Variants in UNC13C observed in about 807,000 individuals in gnomAD.
The protein encoded by UNC13C is unc-13 homolog C.
A neutral mutation model predicts 245.4 loss-of-function variants in UNC13C; 174 were observed. The ratio of observed to expected loss-of-function variants is 0.71; its 90% CI spans 0.63 to 0.80. The LOEUF is 0.80. UNC13C is among the 30% of genes least tolerant of loss of function. The pLI is 0.00. For missense variants in UNC13C, 2,829 were observed against 2,602.9 expected (o/e 1.09, Z -1.89); for synonymous variants, 992 against 895.1 (o/e 1.11, Z -1.93).
intron 30 of UNC13C, 128 bp downstream of exon 30, chr15:54,568,075 A>G (rs1374599075): frequency 1.6e-6 from 1 of 638,150 alleles, no homozygotes; most frequent in Non-Finnish European, 2.3e-6. Context: ...AAAAATGGAG[A>G]GTTATGGTTA....
chr15:54,300,252 G>A lies in UNC13C; in HGVS notation c.4147G>A (p.Val1383Met). 1.3e-6 allele frequency: 2 copies of A among 1,599,792 alleles called. No homozygotes were observed. Among genetic ancestry groups the A allele is most frequent in the Non-Finnish European group, 1.7e-6 (2 of 1,172,498 alleles). ...GACTGAAGTGAAATCTAATGGTGGA[G>A]TGAAAATCCCAGAAGTCAAAGGGGA... The part of the protein sequence containing the change: ...YLTEVKSNGG[V>M]KIPEVKGDEA... The change falls in exon 13 of 33, where the codon GTG becomes ATG. Residue 1383 changes from valine (V) to methionine (M), a missense_variant. Physicochemically the swap from Val to Met is conservative, Grantham distance 21 (BLOSUM62 1). Coordinates refer to ENST00000260323, the MANE Select transcript of UNC13C (RefSeq NM_001080534.3).
intron 19 of UNC13C, among the ~76,000 whole-genome samples, chr15:54,445,501 G>A (rs868212556): frequency 6.6e-5 from 10 of 152,086 alleles, no homozygotes; most frequent in African/African-American, 2.4e-4. Flanking sequence ...GTTCTCACTG[G>A]TGTGAGATGG....
intron 4 of UNC13C, among the ~76,000 whole-genome samples, chr15:54,170,646 T>A (rs551419825): frequency 2.7e-4 from 41 of 152,314 alleles, no homozygotes; most frequent in African/African-American, 9.6e-4. Context: ...TTATCTGTTA[T>A]ACTATACATC....
intron 10 of UNC13C, among the ~76,000 whole-genome samples, chr15:54,281,694 T>C (rs769333665): frequency 1.3e-5 from 2 of 152,238 alleles, no homozygotes; most frequent in Admixed American, 6.5e-5. Flanking sequence ...CAAAGTGCTA[T>C]ACTAAGTGAT....
At chr15:54,250,105 T>C in intron 7 of UNC13C, 120 bp from the exon 8 acceptor site, 1 of 884,182 alleles carries the variant, frequency 1.1e-6, no homozygotes, top group Non-Finnish European at 1.8e-6. Context: ...GAATCAGTGA[T>C]CCAGGGGCTC....
chr15:54,181,485 G>A (rs561546007), intron 4 of UNC13C, among the ~76,000 whole-genome samples: 1 of 151,076 alleles, frequency 6.6e-6, no homozygotes, highest in African/African-American at 2.4e-5. Context: ...TTTGTTTTTT[G>A]TTTGTTTTTG....
At chr15:54,337,439 C>G (rs1051608771) in intron 16 of UNC13C, among the ~76,000 whole-genome samples, 1 of 152,124 alleles carries the variant, frequency 6.6e-6, no homozygotes, top group Non-Finnish European at 1.5e-5. Context: ...GACTCCTGAG[C>G]TCCCATCCAC....
At position 54,620,113 on chromosome 15, in the gene UNC13C, T is replaced by C. The variant is rs1427241145; in HGVS notation, c.6107-2214T>C. ...TGACCTAATTGAAGAGTAAATTTTG[T>C]CTTAGAAAAGGAAATATGTATTTTG... On this transcript the variant is annotated intron_variant, in intron 30 of 32. Coordinates refer to ENST00000260323, the MANE Select transcript of UNC13C (RefSeq NM_001080534.3). Among the ~76,000 whole-genome samples the C allele has an allele frequency of 3.9e-5, 6 of 152,248 alleles. No individual in the cohort carries two copies. In the East Asian group the frequency reaches 7.7e-4, roughly 20 times the overall value.
chr15:54,326,094 T>C (rs767392188), intron 14 of UNC13C, among the ~76,000 whole-genome samples: 2 of 152,018 alleles, frequency 1.3e-5, no homozygotes, highest in African/African-American at 2.4e-5. Flanking sequence ...AAGGACAAAC[T>C]CTGTTCTGAA....
At chr15:53,998,205 G>A (rs111825330) in intron 1 of UNC13C, among the ~76,000 whole-genome samples, 4,626 of 152,144 alleles carry the variant, frequency 0.03, 258 homozygotes, top group African/African-American at 0.11. Flanking sequence ...CAAATATACT[G>A]GGATTTTGTT....
chr15:54,016,767 A>G (rs1176650288), intron 2 of UNC13C, among the ~76,000 whole-genome samples: 1 of 152,154 alleles, frequency 6.6e-6, no homozygotes, highest in Non-Finnish European at 1.5e-5. Flanking sequence ...GTTGCATGCT[A>G]ATTACTTACA....
chr15:53,971,147 A>G, the UNC13C span, among the ~76,000 whole-genome samples: 2 of 152,200 alleles, frequency 1.3e-5, no homozygotes, highest in East Asian at 1.9e-4. Context: ...GGGCATTTGT[A>G]TATCTTCTTT....
At chr15:54,439,514 A>G (rs1890399541) in intron 19 of UNC13C, among the ~76,000 whole-genome samples, 1 of 152,060 alleles carries the variant, frequency 6.6e-6, no homozygotes, top group Non-Finnish European at 1.5e-5. Flanking sequence ...TAAATTACCA[A>G]GATCCTACAA....
At chr15:54,009,627 A>T (rs540100418) in intron 1 of UNC13C, among the ~76,000 whole-genome samples, 2 of 151,236 alleles carry the variant, frequency 1.3e-5, no homozygotes, top group Non-Finnish European at 2.9e-5. Flanking sequence ...GCTTACTGCA[A>T]CCTCTGCCTC....
intron 4 of UNC13C, among the ~76,000 whole-genome samples, chr15:54,221,473 AATTAT>A (rs59345062): frequency 0.046 from 6,918 of 151,818 alleles, 512 homozygotes; most frequent in African/African-American, 0.16. Context: ...TCATCAGGAA[AATTAT>A]ATTATATATA....
chr15:53,965,529 T>C, the UNC13C span, among the ~76,000 whole-genome samples: 1 of 112,094 alleles, frequency 8.9e-6, no homozygotes, highest in African/African-American at 3.1e-5. Context: ...GTGCACTTTC[T>C]TTTTTTTCCC....
At chr15:54,150,356 C>A (rs1270563101) in intron 4 of UNC13C, among the ~76,000 whole-genome samples, 1 of 152,238 alleles carries the variant, frequency 6.6e-6, no homozygotes, top group Non-Finnish European at 1.5e-5. Flanking sequence ...AAAGGAGCCT[C>A]ATGTGAGACT....
At chr15:54,170,603 G>C (rs187824402) in intron 4 of UNC13C, among the ~76,000 whole-genome samples, 1 of 151,956 alleles carries the variant, frequency 6.6e-6, no homozygotes, top group South Asian at 2.1e-4. Context: ...CTGAGGAAGA[G>C]ACAGCCATTT....
chr15:53,984,900 G>C (rs939618244), intron 1 of UNC13C, among the ~76,000 whole-genome samples: 1 of 152,008 alleles, frequency 6.6e-6, no homozygotes, highest in African/African-American at 2.4e-5. Context: ...ATTGCCCCAA[G>C]ATTCTAATAT....
Sources: gnomAD v4.1 joint callset for allele counts (sites outside exome capture counted in the v4.1 genomes callset) on GRCh38, gnomAD v4.1.1 for gene constraint, MANE v1.5 for transcripts, NCBI Gene and HGNC (gene_info 2026-07-23, HGNC 2026-07-21) for gene names.